Variants in LNX1 observed in about 807,000 individuals in gnomAD.
LNX1 encodes E3 ubiquitin-protein ligase LNX.
Under a neutral mutation model 68.4 loss-of-function variants are expected in LNX1, and 54 were observed. That is an observed-to-expected ratio of 0.79 (90% CI 0.63 to 0.99). The LOEUF (loss-of-function observed/expected upper bound fraction) is 0.99, where lower values mean the gene tolerates loss of function less well. Among genes scored for constraint, LNX1 ranks in the 50% least tolerant of loss-of-function variants. The probability of loss-of-function intolerance (pLI) is 0.00; values close to 1 mark genes in which losing one functional copy is unlikely to be tolerated. For missense variants in LNX1, 906 were observed against 926.4 expected, an observed-to-expected ratio of 0.98 and a Z score of 0.29; for synonymous variants, 336 against 350.0, an observed-to-expected ratio of 0.96 and a Z score of 0.45.
intron 1 of LNX1, among the ~76,000 whole-genome samples, chr4:53,634,017 G>A (rs1450273924): frequency 2.0e-5 from 3 of 152,114 alleles, no homozygotes; most frequent in Non-Finnish European, 4.4e-5. Context: ...TAATATTCTT[G>A]TTAATAACAC....
intron 9 of LNX1, among the ~76,000 whole-genome samples, chr4:53,471,558 T>G (rs1350214380): frequency 6.6e-6 from 1 of 151,996 alleles, no homozygotes; most frequent in East Asian, 1.9e-4. Context: ...ACAGGCAACC[T>G]ACAGAATGGG....
intron 9 of LNX1, 73 bp downstream of exon 9, chr4:53,476,680 G>A (rs1723581052): frequency 1.6e-6 from 2 of 1,252,518 alleles, no homozygotes; most frequent in South Asian, 1.2e-5. Context: ...CAGCCCTAGA[G>A]AGTGAAAGAG....
At position 53,579,254 on chromosome 4, in the gene LNX1, C is replaced by T. The variant is rs1731681119; in HGVS notation, c.-86-5166G>A. The T allele has an allele frequency of 3.9e-5, 38 of 984,464 alleles. 1 individual carries two copies. Among genetic ancestry groups the T allele is most frequent in the Non-Finnish European group, 4.0e-5 (33 of 829,256 alleles). 61.0% of individuals were successfully genotyped at this position (984,464 alleles called of 1,614,324 possible). ...AGTGGATTGATTCCCTCCTTACGTA[C>T]GTGTATGATGGGTACGGTGGAAATC... On this transcript the variant is annotated intron_variant, in intron 1 of 10. Transcript: ENST00000263925.
chr4:53,626,438 A>C (rs1201511662), intron 1 of LNX1, among the ~76,000 whole-genome samples: 8 of 152,242 alleles, frequency 5.3e-5, no homozygotes, highest in Non-Finnish European at 1.0e-4. Flanking sequence ...AAAAGTAGAA[A>C]TTAGCTCTCT....
chr4:53,538,146 C>T (rs891262413), intron 2 of LNX1, among the ~76,000 whole-genome samples: 6 of 152,230 alleles, frequency 3.9e-5, no homozygotes, highest in Non-Finnish European at 8.8e-5. Flanking sequence ...CACAAACTCA[C>T]TCCCAAGCAC....
chr4:53,569,479 G>C (rs1730973464), intron 2 of LNX1, among the ~76,000 whole-genome samples: 1 of 124,762 alleles, frequency 8.0e-6, no homozygotes, highest in South Asian at 3.1e-4. Context: ...GCTGAAACTG[G>C]ATCCCTTCCT....
chr4:53,513,865 G>A (rs1344380959), intron 2 of LNX1, among the ~76,000 whole-genome samples: 1 of 152,140 alleles, frequency 6.6e-6, no homozygotes, highest in Non-Finnish European at 1.5e-5. Context: ...TAAAGCATAA[G>A]GTCCTTACAA....
At chr4:53,482,038 T>C (rs1216301708) in intron 6 of LNX1, among the ~76,000 whole-genome samples, 184 bp from the exon 7 acceptor site, 1 of 152,244 alleles carries the variant, frequency 6.6e-6, no homozygotes, top group East Asian at 1.9e-4. Context: ...AGCTCTTTCC[T>C]TTATCCTTAA....
chr4:53,576,969 G>T (rs1411334500), intron 1 of LNX1, among the ~76,000 whole-genome samples: 1 of 152,238 alleles, frequency 6.6e-6, no homozygotes, highest in Admixed American at 6.5e-5. Context: ...TAGTGAAGAG[G>T]TTGCTGGCAA....
In LNX1 at chr4:53,507,463, G is replaced by T; in HGVS notation, c.629C>A (p.Pro210His). The stretch of plus-strand genomic sequence containing the variant: ...GCTTCTAATAGTGGATCTCTCAAAG[G>T]GCCGTGCTGAGGAATAGCGACAGGA... ...SGRSNRTRAR[P>H]FERSTIRSRS... The change falls in exon 4 of 11, where the codon CCC (proline) becomes CAC (histidine). Residue 210 changes from proline to histidine, a missense_variant. Transcript: ENST00000263925. The T allele has an allele frequency of 4.3e-6, 7 of 1,613,944 alleles. No individual in the cohort carries two copies. The highest frequency in any genetic ancestry group is 5.9e-6 in the Non-Finnish European group (7 of 1,179,882).
At chr4:53,549,760 T>C (rs561344713) in intron 2 of LNX1, among the ~76,000 whole-genome samples, 1 of 152,330 alleles carries the variant, frequency 6.6e-6, no homozygotes, top group African/African-American at 2.4e-5. Flanking sequence ...AGTTTTATTA[T>C]AATCTTTTCT....
chr4:53,467,604 A>G (rs1722784766), intron 9 of LNX1, among the ~76,000 whole-genome samples: 1 of 152,178 alleles, frequency 6.6e-6, no homozygotes, highest in South Asian at 2.1e-4. Context: ...AAAAAATTAG[A>G]CAAATGGCTA....
At chr4:53,513,692 A>T (rs1187515044) in intron 2 of LNX1, among the ~76,000 whole-genome samples, 1 of 152,204 alleles carries the variant, frequency 6.6e-6, no homozygotes, top group African/African-American at 2.4e-5. Flanking sequence ...ACTACTTTTC[A>T]TCATGGCTAC....
At chr4:53,490,807 A>G (rs1724627954) in intron 6 of LNX1, among the ~76,000 whole-genome samples, 1 of 152,244 alleles carries the variant, frequency 6.6e-6, no homozygotes, top group Admixed American at 6.5e-5. Context: ...GGTGTGTGTT[A>G]CAAATATCAC....
At chr4:53,469,506 A>G (rs1157293175) in intron 9 of LNX1, among the ~76,000 whole-genome samples, 4 of 152,242 alleles carry the variant, frequency 2.6e-5, no homozygotes, top group East Asian at 1.9e-4. Context: ...AGAACTGAAG[A>G]AAATAGAGAC....
At chr4:53,509,592 C>T (rs764433816) in intron 2 of LNX1, among the ~76,000 whole-genome samples, 21 of 152,180 alleles carry the variant, frequency 1.4e-4, no homozygotes, top group Admixed American at 5.9e-4. Context: ...GAGGTTTGAT[C>T]GACATTAAGT....
intron 1 of LNX1, among the ~76,000 whole-genome samples, chr4:53,650,218 C>T (rs141100556): frequency 3.2e-4 from 49 of 152,284 alleles, no homozygotes; most frequent in African/African-American, 8.9e-4. Context: ...ATGCATAGCG[C>T]GTGTCACAGT....
chr4:53,562,785 A>G (rs1730377178), intron 2 of LNX1, among the ~76,000 whole-genome samples: 1 of 152,258 alleles, frequency 6.6e-6, no homozygotes, highest in Non-Finnish European at 1.5e-5. Context: ...AAGTGTTTTC[A>G]TCACAAAAAT....
rs1728280783 is a variant in LNX1, at chr4:53,535,161, T to C, written c.381-26934A>G. ...AGACTTTTTTAAGGAACACAAAGGA[T>C]GTAATCAAAGTCGTATGAGACTCAC... On this transcript the variant is annotated intron_variant, in intron 2 of 10. Coordinates refer to ENST00000263925, the MANE Select transcript of LNX1 (RefSeq NM_001126328.3). Among the ~76,000 whole-genome samples, 10 of 152,212 alleles carry C rather than the reference T, an allele frequency of 6.6e-5. No individual in the cohort carries two copies. The South Asian group carries it at 2.1e-3, about 32-fold the overall frequency.
Sources: gnomAD v4.1 joint callset for allele counts (sites outside exome capture counted in the v4.1 genomes callset) on GRCh38, gnomAD v4.1.1 for gene constraint, MANE v1.5 for transcripts, NCBI Gene and HGNC (gene_info 2026-07-23, HGNC 2026-07-21) for gene names.